PCM1: variants seen among roughly 807,000 people sequenced by gnomAD.
The protein encoded by PCM1 is pericentriolar material 1.
A neutral mutation model predicts 241.9 loss-of-function variants in PCM1; 157 were observed. The observed-to-expected ratio is 0.65, with a 90% CI of 0.57 to 0.74. The LOEUF (loss-of-function observed/expected upper bound fraction) is 0.74. PCM1 is among the 30% of genes least tolerant of loss of function. PCM1 has a pLI of 0.00. For synonymous variants in PCM1, 1,085 were observed against 784.9 expected (o/e 1.38, Z -6.39); for missense variants, 3,478 against 2,360.1 (o/e 1.47, Z -9.81).
In PCM1 at chr8:18,009,753, C is replaced by CACATA. The variant is rs1564358430; in HGVS notation, c.5160+9_5160+10insACATA. 7.1e-7 allele frequency: 1 copy of CACATA among 1,398,858 alleles called. No individual in the cohort carries two copies. The highest frequency in any genetic ancestry group is 2.5e-5 in the East Asian group (1 of 40,234). The allele number at this position is 1,398,858 out of a possible 1,614,324, so 86.7% of individuals were successfully genotyped here. On this transcript the variant is annotated intron_variant, in intron 31 of 38. Coordinates refer to ENST00000325083, the MANE Select transcript of PCM1 (RefSeq NM_006197.4). ...AATCTTGTGCCAAAGAGGTAAATAACGTTCATTTTGATTTTTAGGATAATT... is the reference window on the plus strand; with the variant it reads ...AATCTTGTGCCAAAGAGGTAAATAACACATAGTTCATTTTGATTTTTAGGATAATT...
intron 32 of PCM1, among the ~76,000 whole-genome samples, chr8:18,011,015 A>C (rs1418192064): frequency 6.6e-6 from 1 of 152,214 alleles, no homozygotes; most frequent in Non-Finnish European, 1.5e-5. Flanking sequence ...GAAACAATAT[A>C]AAATTATTTT....
intron 6 of PCM1, among the ~76,000 whole-genome samples, chr8:17,945,982 A>G (rs1208533095): frequency 6.6e-6 from 1 of 152,210 alleles, no homozygotes; most frequent in Non-Finnish European, 1.5e-5. Context: ...TAAAAGGTAA[A>G]TCGGTGATGA....
chr8:17,991,889 G>GTA (rs1345017444), intron 28 of PCM1, among the ~76,000 whole-genome samples, 189 bp downstream of exon 28: 1 of 152,048 alleles, frequency 6.6e-6, no homozygotes, highest in African/African-American at 2.4e-5. Flanking sequence ...AAAGTCCACT[G>GTA]TATCCTGCTT....
chr8:18,006,698 A>G (rs976852026), intron 30 of PCM1, among the ~76,000 whole-genome samples: 105 of 152,284 alleles, frequency 6.9e-4, no homozygotes, highest in African/African-American at 2.4e-3. Context: ...AATGTTTACA[A>G]AGTATTCTGT....
At chr8:17,980,499 G>T in intron 23 of PCM1, 92 bp from the exon 24 acceptor site, 2 of 963,550 alleles carry the variant, frequency 2.1e-6, no homozygotes, top group Non-Finnish European at 3.0e-6. Context: ...ATTGTAAATT[G>T]AGTTACCTGT....
At chr8:17,995,411 C>T (rs534558875) in intron 29 of PCM1, among the ~76,000 whole-genome samples, 1 of 151,126 alleles carries the variant, frequency 6.6e-6, no homozygotes, top group Admixed American at 6.6e-5. Flanking sequence ...CTGTTCTGTT[C>T]TGTCGGTCTG....
intron 23 of PCM1, among the ~76,000 whole-genome samples, chr8:17,974,212 C>T (rs116727537): frequency 5.2e-4 from 79 of 152,262 alleles, no homozygotes; most frequent in African/African-American, 1.8e-3. Context: ...AAAGTTACTG[C>T]GCTTTTCCAA....
intron 29 of PCM1, 193 bp from the exon 30 acceptor site, chr8:18,006,070 A>T (rs746242003): frequency 6.3e-6 from 3 of 473,258 alleles, no homozygotes; most frequent in Admixed American, 7.6e-5. Context: ...AAAATTGCCA[A>T]ACCTCTCAAT....
intron 21 of PCM1, among the ~76,000 whole-genome samples, 192 bp downstream of exon 21, chr8:17,967,362 G>T (rs923575420): frequency 1.3e-5 from 2 of 150,224 alleles, no homozygotes; most frequent in Admixed American, 6.6e-5. Context: ...AGGCTGGAAT[G>T]CAGTGACATG....
intron 1 of PCM1, 22 bp from the exon 2 acceptor site, chr8:17,924,691 A>T (rs1282264201): frequency 6.6e-6 from 1 of 152,252 alleles, no homozygotes; most frequent in Admixed American, 6.5e-5. Context: ...CTTAAGTGAT[A>T]CATATTTTTA....
chr8:17,931,015 C>A (rs929048670), intron 2 of PCM1, among the ~76,000 whole-genome samples: 8 of 152,150 alleles, frequency 5.3e-5, no homozygotes, highest in Non-Finnish European at 8.8e-5. Flanking sequence ...AGTATTCTAC[C>A]CCCTATGGCA....
chr8:18,010,311 A>G (rs1428213331), intron 31 of PCM1, among the ~76,000 whole-genome samples: 1 of 152,220 alleles, frequency 6.6e-6, no homozygotes, highest in East Asian at 1.9e-4. Flanking sequence ...TATGAGAAGG[A>G]AACAAGCCAA....
In PCM1 at chr8:18,011,758, C is replaced by T; in HGVS notation, c.5442C>T (p.Gly1814=). The change falls in exon 34 of 39, where the codon GGC becomes GGT. Residue 1814 remains glycine, a synonymous_variant. Coordinates refer to ENST00000325083, the MANE Select transcript of PCM1 (RefSeq NM_006197.4). ...AAGAAATGGAAGAATTTGAAGAAGG[C>T]CCTGTGGATGTCCAGACTTCCCTCC... The part of the protein sequence containing the change: ...EDEEMEEFEE[G]PVDVQTSLQA... 6.2e-7 allele frequency: 1 copy of T among 1,613,458 alleles called. No homozygotes were observed. The highest frequency in any genetic ancestry group is 1.7e-5 in the Admixed American group (1 of 59,952).
chr8:18,009,701 G>A lies in PCM1; in HGVS notation c.5117G>A (p.Arg1706Lys). ...ATAACTGTTAAACAGAGATGCAAAA[G>A]GAAAATAGAAGCAACTGGAGTGATA... ...NSITVKQRCKRKIEATGVIQS... is the reference protein window; with the variant it reads ...NSITVKQRCKKKIEATGVIQS... Residue 1706 changes from arginine (R) to lysine (K), a missense_variant, in exon 31 of 39, where the codon AGG (arginine) becomes AAG (lysine). Transcript: ENST00000325083. 1.3e-6 allele frequency: 2 copies of A among 1,511,202 alleles called. No homozygotes were observed. The highest frequency in any genetic ancestry group is 1.8e-6 in the Non-Finnish European group (2 of 1,131,258). The allele number at this position is 1,511,202 out of a possible 1,614,324, so 93.6% of individuals were successfully genotyped here. A position where few individuals can be genotyped will look rare whatever the true frequency, so the allele number is the denominator to read the frequency against.
At position 17,938,878 on chromosome 8, in the gene PCM1, C is replaced by G. The variant is rs372991536; in HGVS notation, c.481C>G (p.Pro161Ala). 1.5e-5 allele frequency: 25 copies of G among 1,613,618 alleles called. No homozygotes were observed. The African/African-American group carries it at 2.9e-4, about 19-fold the overall frequency. ...GAGCAAAGATGCATCTACAAACCCC[C>G]CAAACAGAGAAACGATTGGATCAGC... The part of the protein sequence containing the change: ...NKSKDASTNP[P>A]NRETIGSAQC... Residue 161 changes from proline to alanine, a missense_variant, in exon 5 of 39, where the codon CCA (proline) becomes GCA (alanine). Transcript: ENST00000325083.
intron 24 of PCM1, among the ~76,000 whole-genome samples, chr8:17,983,078 A>G (rs1044130339): frequency 9.2e-5 from 14 of 152,240 alleles, no homozygotes; most frequent in Admixed American, 3.3e-4. Flanking sequence ...TTTTCTTGAG[A>G]TTATTTTTAA....
chr8:17,969,389 C>T (rs1213713301), intron 21 of PCM1, 188 bp from the exon 22 acceptor site: 4 of 503,852 alleles, frequency 7.9e-6, no homozygotes, highest in Non-Finnish European at 1.4e-5. Flanking sequence ...TGTCTTTGAC[C>T]AATGCCTAAA....
In PCM1 at chr8:17,948,294, C is replaced by CTT. The variant is rs550672840; in HGVS notation, c.961+957_961+958dup. Among the ~76,000 whole-genome samples, 80 of 64,008 alleles carry CTT rather than the reference C, an allele frequency of 1.2e-3. 3 individuals carry two copies. The highest frequency in any genetic ancestry group is 0.014 in the Middle Eastern group (1 of 72). 42.0% of individuals were successfully genotyped at this position (64,008 alleles called of 152,430 possible). On this transcript the variant is annotated intron_variant, in intron 7 of 38. Coordinates refer to ENST00000325083, the MANE Select transcript of PCM1 (RefSeq NM_006197.4). ...GAACGTTATGACTTTCAAATAACCT[C>CTT]TTTTTTTTTTTTTTTTTTTTTTTTT...
chr8:17,968,180 C>T (rs1159391436), intron 21 of PCM1, among the ~76,000 whole-genome samples: 1 of 152,070 alleles, frequency 6.6e-6, no homozygotes, highest in Non-Finnish European at 1.5e-5. Flanking sequence ...AATAGTACAT[C>T]ACTCAGGGAA....
Sources: gnomAD v4.1 joint callset for allele counts (sites outside exome capture counted in the v4.1 genomes callset) on GRCh38, gnomAD v4.1.1 for gene constraint, MANE v1.5 for transcripts, NCBI Gene and HGNC (gene_info 2026-07-23, HGNC 2026-07-21) for gene names.